EPHB2: variants seen among roughly 807,000 people sequenced by gnomAD.
EPHB2 encodes the protein EPH receptor B2.
In EPHB2, 18 loss-of-function variants were observed where a neutral mutation model predicts 96.4. That is an observed-to-expected ratio of 0.19 (90% CI 0.13 to 0.28). EPHB2 has a LOEUF of 0.28. EPHB2 is among the 10% of genes least tolerant of loss of function. The pLI, the probability that EPHB2 is intolerant of heterozygous loss-of-function variation, is 1.00. For synonymous variants in EPHB2, 506 were observed against 534.1 expected (o/e 0.95, Z 0.72); for missense variants, 989 against 1,355.4 (o/e 0.73, Z 4.25).
intron 5 of EPHB2, among the ~76,000 whole-genome samples, chr1:22,867,019 C>A (rs1638502770): frequency 6.6e-6 from 1 of 152,138 alleles, no homozygotes. Flanking sequence ...ATCCTTGTGG[C>A]CTCTCTGAGA....
chr1:22,747,843 C>T (rs1643999190), intron 1 of EPHB2, among the ~76,000 whole-genome samples: 1 of 152,214 alleles, frequency 6.6e-6, no homozygotes, highest in African/African-American at 2.4e-5. Context: ...TTGGGTGGCC[C>T]CACTCAGCCA....
At chr1:22,806,401 C>T in intron 3 of EPHB2, among the ~76,000 whole-genome samples, 1 of 152,104 alleles carries the variant, frequency 6.6e-6, no homozygotes, top group East Asian at 1.9e-4. Flanking sequence ...TTTCTGTGCC[C>T]CCGGCTCTGA....
chr1:22,805,180 T>C (rs892156930), intron 3 of EPHB2, among the ~76,000 whole-genome samples: 2 of 151,890 alleles, frequency 1.3e-5, no homozygotes, highest in Non-Finnish European at 2.9e-5. Flanking sequence ...ACCAGACATC[T>C]GTCAAATCCA....
chr1:22,900,741 C>G (rs916902400), intron 9 of EPHB2, among the ~76,000 whole-genome samples: 1 of 152,196 alleles, frequency 6.6e-6, no homozygotes, highest in Admixed American at 6.5e-5. Flanking sequence ...TAAGATCCCC[C>G]TCCCTGCATC....
At chr1:22,774,632 G>C (rs754364561) in intron 1 of EPHB2, 15 of 985,306 alleles carry the variant, frequency 1.5e-5, no homozygotes, top group Non-Finnish European at 1.8e-5. Flanking sequence ...GAAGACGGTG[G>C]CTGGAAGGTA....
At chr1:22,810,553 C>T (rs563437877) in intron 3 of EPHB2, among the ~76,000 whole-genome samples, 1 of 152,348 alleles carries the variant, frequency 6.6e-6, no homozygotes, top group East Asian at 1.9e-4. Context: ...GTCCTTACAC[C>T]TCTGCATCCT....
At chr1:22,822,876 G>A (rs913229497) in intron 3 of EPHB2, among the ~76,000 whole-genome samples, 2 of 152,230 alleles carry the variant, frequency 1.3e-5, no homozygotes, top group Non-Finnish European at 1.5e-5. Flanking sequence ...GTCCCACAGA[G>A]CCACATGGCT....
In EPHB2 at chr1:22,906,671, G is replaced by C; in HGVS notation, c.1889-39G>C. Reference sequence around the variant, plus strand: ...AACAGGAAGGTGGCCCTTCCACCTGGCAAGTGACATCCTGTCTGTCTTGGT... The same window carrying C: ...AACAGGAAGGTGGCCCTTCCACCTGCCAAGTGACATCCTGTCTGTCTTGGT... On this transcript the variant is annotated intron_variant, in intron 10 of 15. Transcript: ENST00000374630. This position sits in a 1 kb window ranked among gnomAD's most constrained non-coding sequence, Gnocchi z 4.8. The C allele has an allele frequency of 6.2e-7, 1 of 1,613,486 alleles. No homozygotes were observed. Among genetic ancestry groups the C allele is most frequent in the Non-Finnish European group, 8.5e-7 (1 of 1,179,890 alleles).
At chr1:22,807,383 C>G (rs558289968) in intron 3 of EPHB2, among the ~76,000 whole-genome samples, 10 of 152,332 alleles carry the variant, frequency 6.6e-5, no homozygotes, top group African/African-American at 2.4e-4. Flanking sequence ...ATAGATGGAG[C>G]TGCCAAGGCG....
chr1:22,839,526 C>G (rs1645435124), intron 3 of EPHB2, among the ~76,000 whole-genome samples: 1 of 152,124 alleles, frequency 6.6e-6, no homozygotes, highest in South Asian at 2.1e-4. Flanking sequence ...GGGATATACA[C>G]AAATCCCTGT....
intron 5 of EPHB2, among the ~76,000 whole-genome samples, chr1:22,870,117 A>G (rs1390140080): frequency 6.6e-6 from 1 of 152,162 alleles, no homozygotes; most frequent in Non-Finnish European, 1.5e-5. Context: ...AAAATTCAAT[A>G]TATAAATATC....
At chr1:22,734,520 C>T (rs1248295228) in intron 1 of EPHB2, among the ~76,000 whole-genome samples, 1 of 150,806 alleles carries the variant, frequency 6.6e-6, no homozygotes, top group Non-Finnish European at 1.5e-5. Flanking sequence ...CTCCTGGGTT[C>T]AAGCGATTCT....
intron 1 of EPHB2, among the ~76,000 whole-genome samples, chr1:22,748,182 C>T (rs771858504): frequency 1.3e-5 from 2 of 152,190 alleles, no homozygotes; most frequent in Non-Finnish European, 1.5e-5. Flanking sequence ...TGTTTCCACA[C>T]GTGAAGCTCT....
intron 3 of EPHB2, among the ~76,000 whole-genome samples, chr1:22,842,523 A>G (rs1645484902): frequency 6.6e-6 from 1 of 151,674 alleles, no homozygotes. Context: ...CCCATAGCCC[A>G]TTCCTCACTC....
chr1:22,762,538 G>C (rs1283884919), intron 1 of EPHB2, among the ~76,000 whole-genome samples: 1 of 152,082 alleles, frequency 6.6e-6, no homozygotes, highest in African/African-American at 2.4e-5. Flanking sequence ...GCCAAGGGGT[G>C]GTGTGTGAGT....
chr1:22,905,556 C>T (rs376493726), intron 9 of EPHB2, among the ~76,000 whole-genome samples: 1 of 152,190 alleles, frequency 6.6e-6, no homozygotes, highest in South Asian at 2.1e-4. Context: ...CTATTGCCTG[C>T]TGTTTCTGTA....
chr1:22,906,458 C>T lies in EPHB2; in HGVS notation c.1889-252C>T, dbSNP rs966510142. Among the ~76,000 whole-genome samples, 6 of 152,304 alleles carry T rather than the reference C, an allele frequency of 3.9e-5. No individual in the cohort carries two copies. The highest frequency in any genetic ancestry group is 1.4e-4 in the African/African-American group (6 of 41,566). ...TTTTCCCATCTCCCAGGTTCCCCTG[C>T]ACCCTCACCCCCATGCCCAGCCAGG... On this transcript the variant is annotated intron_variant, in intron 10 of 15. Transcript: ENST00000374630. This position sits in a 1 kb window ranked among gnomAD's most constrained non-coding sequence, Gnocchi z 4.8.
At chr1:22,811,476 T>G (rs981706853) in intron 3 of EPHB2, among the ~76,000 whole-genome samples, 2 of 152,188 alleles carry the variant, frequency 1.3e-5, no homozygotes, top group Admixed American at 1.3e-4. Flanking sequence ...TCCCCAAGCT[T>G]GTCTGTCCTC....
At chr1:22,738,380 A>G (rs949762354) in intron 1 of EPHB2, among the ~76,000 whole-genome samples, 2 of 152,190 alleles carry the variant, frequency 1.3e-5, no homozygotes, top group Non-Finnish European at 2.9e-5. Flanking sequence ...AACAGTTTCT[A>G]TCTCCAAGCA....
Sources: gnomAD v4.1 joint callset for allele counts (sites outside exome capture counted in the v4.1 genomes callset) on GRCh38, gnomAD v4.1.1 for gene constraint, Gnocchi (gnomAD v3.1) non-coding constraint, MANE v1.5 for transcripts, NCBI Gene and HGNC (gene_info 2026-07-23, HGNC 2026-07-21) for gene names.